FHIP1A: variants seen among roughly 807,000 people sequenced by gnomAD.
The protein encoded by FHIP1A is FHF complex subunit HOOK interacting protein 1A, also known as FHF complex subunit HOOK-interacting protein 1A.
A neutral mutation model predicts 88.6 loss-of-function variants in FHIP1A; 61 were observed. That is an observed-to-expected ratio of 0.69 (90% CI 0.56 to 0.85). The LOEUF (loss-of-function observed/expected upper bound fraction) is 0.85. FHIP1A is among the 40% of genes least tolerant of loss of function. The pLI, the probability that FHIP1A is intolerant of heterozygous loss-of-function variation, is 0.00. For synonymous variants in FHIP1A, 478 were observed against 496.0 expected, an observed-to-expected ratio of 0.96 and a Z score of 0.48; for missense variants, 1,154 against 1,273.5, an observed-to-expected ratio of 0.91 and a Z score of 1.43.
At chr4:151,634,012 C>A (rs898359362) in intron 8 of FHIP1A, among the ~76,000 whole-genome samples, 1 of 151,732 alleles carries the variant, frequency 6.6e-6, no homozygotes, top group Non-Finnish European at 1.5e-5. Context: ...ACAACATAAT[C>A]ATATATATAG....
chr4:151,581,666 C>G (rs544534414), intron 5 of FHIP1A, among the ~76,000 whole-genome samples: 5 of 152,046 alleles, frequency 3.3e-5, no homozygotes, highest in Admixed American at 6.5e-5. Flanking sequence ...ACCCAGTTTT[C>G]TATAATTACA....
At chr4:151,646,777 AC>A (rs1736813881) in intron 10 of FHIP1A, 29 bp downstream of exon 10, 1 of 1,470,832 alleles carries the variant, frequency 6.8e-7, no homozygotes, top group Non-Finnish European at 9.2e-7. Flanking sequence ...TGATCTTTAA[AC>A]AAAAGGATGC....
intron 7 of FHIP1A, among the ~76,000 whole-genome samples, chr4:151,596,409 TC>T (rs1163383645): frequency 6.6e-6 from 1 of 152,208 alleles, no homozygotes; most frequent in African/African-American, 2.4e-5. Context: ...CTGATGGGCT[TC>T]CCTTTGTGGG....
rs13108329 is a variant in FHIP1A at position 151,426,308 on chromosome 4, C to T, written c.-356+16843C>T. On this transcript the variant is annotated intron_variant, in intron 1 of 13. Coordinates refer to ENST00000435205, the MANE Select transcript of FHIP1A (RefSeq NM_001109977.3). ...TTTAGTAATCATTTCCTCTCAGAAC[C>T]TAGAAAATACCATATTAACATTGAT... 2.2e-4 allele frequency among the ~76,000 whole-genome samples: 33 copies of T among 152,242 alleles called. No homozygotes were observed. The South Asian group carries it at 6.6e-3, about 31-fold the overall frequency.
At chr4:151,584,162 CCT>C (rs1334068353) in intron 5 of FHIP1A, among the ~76,000 whole-genome samples, 3 of 152,078 alleles carry the variant, frequency 2.0e-5, no homozygotes, top group African/African-American at 7.2e-5. Flanking sequence ...ACTGGGGGCT[CCT>C]ATACCATCTC....
intron 7 of FHIP1A, among the ~76,000 whole-genome samples, chr4:151,610,922 A>G (rs1735300415): frequency 6.6e-6 from 1 of 152,228 alleles, no homozygotes; most frequent in African/African-American, 2.4e-5. Flanking sequence ...GTAGGGAACC[A>G]TACACATTTC....
At chr4:151,501,768 A>C (rs1407822519) in intron 3 of FHIP1A, among the ~76,000 whole-genome samples, 5 of 146,962 alleles carry the variant, frequency 3.4e-5, no homozygotes, top group Non-Finnish European at 7.5e-5. Flanking sequence ...TTTTTAATTG[A>C]ATTGTTGGTC....
chr4:151,438,372 A>G (rs1011014887), intron 1 of FHIP1A, among the ~76,000 whole-genome samples: 2 of 152,148 alleles, frequency 1.3e-5, no homozygotes, highest in African/African-American at 4.8e-5. Flanking sequence ...TGCAGGATTC[A>G]GGCAGTGGAC....
chr4:151,657,482 G>A (rs760433186), intron 13 of FHIP1A, among the ~76,000 whole-genome samples: 2 of 152,148 alleles, frequency 1.3e-5, no homozygotes, highest in African/African-American at 2.4e-5. Context: ...AGAGTGAGGA[G>A]TGGGGGTGGG....
intron 3 of FHIP1A, among the ~76,000 whole-genome samples, chr4:151,559,393 GT>G (rs909382874): frequency 1.2e-4 from 19 of 152,200 alleles, no homozygotes; most frequent in Admixed American, 8.5e-4. Flanking sequence ...TGAAAAGTGA[GT>G]CTTCTTTCTT....
intron 7 of FHIP1A, among the ~76,000 whole-genome samples, chr4:151,623,298 G>A (rs983454520): frequency 1.3e-5 from 2 of 152,092 alleles, no homozygotes; most frequent in Non-Finnish European, 2.9e-5. Context: ...CCTGTTCTAG[G>A]ACACACTGAA....
intron 3 of FHIP1A, among the ~76,000 whole-genome samples, chr4:151,529,828 A>G (rs1357186424): frequency 6.6e-6 from 1 of 152,236 alleles, no homozygotes; most frequent in Non-Finnish European, 1.5e-5. Flanking sequence ...AGTAAGTAGC[A>G]AAACTGTGAT....
chr4:151,537,104 C>T (rs994989184), intron 3 of FHIP1A, among the ~76,000 whole-genome samples: 4 of 152,068 alleles, frequency 2.6e-5, no homozygotes, highest in Admixed American at 2.6e-4. Flanking sequence ...CCTTGAACTC[C>T]TGGGCTTATG....
chr4:151,571,763 T>G (rs1733610012), intron 4 of FHIP1A, among the ~76,000 whole-genome samples: 2 of 152,316 alleles, frequency 1.3e-5, no homozygotes, highest in East Asian at 3.9e-4. Flanking sequence ...TCTTAGTAAA[T>G]TGATGTTTGT....
chr4:151,588,690 G>A (rs1364424376), intron 6 of FHIP1A, 150 bp from the exon 7 acceptor site: 1 of 688,984 alleles, frequency 1.5e-6, no homozygotes, highest in Non-Finnish European at 2.6e-6. Flanking sequence ...TTATATGACA[G>A]TATGAGGTCT....
At chr4:151,616,864 C>T (rs1735553857) in intron 7 of FHIP1A, among the ~76,000 whole-genome samples, 1 of 152,164 alleles carries the variant, frequency 6.6e-6, no homozygotes, top group African/African-American at 2.4e-5. Flanking sequence ...CATTCTGCTT[C>T]AGCCTCCCTA....
Position 151,577,731 on chromosome 4 carries a change from G to A in FHIP1A, c.387G>A (p.Ser129=), listed in dbSNP as rs777352940. The A allele has an allele frequency of 5.2e-6, 8 of 1,551,528 alleles. No homozygotes were observed. The highest frequency in any genetic ancestry group is 1.2e-5 in the South Asian group (1 of 84,050). The part of the protein sequence containing the change: ...LKMYEMLVTQ[S]HQPLLHHKPI... ...TGTATGAGATGTTGGTCACCCAGTC[G>A]CACCAGCCTCTGCTGCACCACAAAC... The change falls in exon 5 of 14, where the codon TCG becomes TCA. Residue 129 remains serine (S), a synonymous_variant. Coordinates refer to ENST00000435205, the MANE Select transcript of FHIP1A (RefSeq NM_001109977.3).
chr4:151,634,449 A>C (rs1258357946), intron 8 of FHIP1A, among the ~76,000 whole-genome samples: 1 of 151,860 alleles, frequency 6.6e-6, no homozygotes, highest in African/African-American at 2.4e-5. Context: ...GACTCTGAAT[A>C]GCTGAAATAA....
chr4:151,418,983 C>T (rs528177008), intron 1 of FHIP1A, among the ~76,000 whole-genome samples: 1 of 152,248 alleles, frequency 6.6e-6, no homozygotes, highest in Middle Eastern at 3.4e-3. Flanking sequence ...CTCATGTCAC[C>T]TATCATGGTC....
Sources: gnomAD v4.1 joint callset for allele counts (sites outside exome capture counted in the v4.1 genomes callset) on GRCh38, gnomAD v4.1.1 for gene constraint, MANE v1.5 for transcripts, NCBI Gene and HGNC (gene_info 2026-07-23, HGNC 2026-07-21) for gene names.